DNER: variants seen among roughly 807,000 people sequenced by gnomAD.
DNER encodes delta and Notch-like epidermal growth factor-related receptor.
In DNER, 33 loss-of-function variants were observed where a neutral mutation model predicts 78.2. That is an observed-to-expected ratio of 0.42 (90% CI 0.32 to 0.56). The LOEUF is 0.56. DNER is among the 20% of genes least tolerant of loss of function. The pLI is 0.11. For missense variants in DNER, 918 were observed against 975.3 expected, an observed-to-expected ratio of 0.94 and a Z score of 0.78; for synonymous variants, 417 against 384.8, an observed-to-expected ratio of 1.08 and a Z score of -0.98.
chr2:229,448,255 G>T (rs1290433760), intron 7 of DNER, among the ~76,000 whole-genome samples: 1 of 151,764 alleles, frequency 6.6e-6, no homozygotes. Context: ...CTAAGTAAAA[G>T]AAGCTAGGCA....
intron 5 of DNER, among the ~76,000 whole-genome samples, chr2:229,530,921 G>A (rs1696289238): frequency 6.6e-6 from 1 of 152,184 alleles, no homozygotes; most frequent in Admixed American, 6.5e-5. Context: ...CAAGGAAAAA[G>A]CAATCTAAAG....
chr2:229,474,103 G>T (rs6711090), intron 7 of DNER, among the ~76,000 whole-genome samples: 18,886 of 152,016 alleles, frequency 0.12, 1,300 homozygotes, highest in South Asian at 0.2. Context: ...ACAGGGTTTT[G>T]CCATGTTGGT....
chr2:229,365,854 C>T (rs545962186), intron 12 of DNER, among the ~76,000 whole-genome samples: 1 of 152,350 alleles, frequency 6.6e-6, no homozygotes, highest in Admixed American at 6.5e-5. Flanking sequence ...TTCACTACAG[C>T]ACACTTACTT....
chr2:229,574,929 G>A (rs893593322), intron 4 of DNER, among the ~76,000 whole-genome samples: 10 of 152,190 alleles, frequency 6.6e-5, no homozygotes, highest in East Asian at 1.9e-4. Flanking sequence ...GCTTTTGACC[G>A]TAAGCTGGCA....
intron 1 of DNER, among the ~76,000 whole-genome samples, chr2:229,634,391 C>G (rs1390214985): frequency 2.6e-5 from 4 of 152,108 alleles, no homozygotes; most frequent in African/African-American, 9.7e-5. Context: ...TGTACTCTCG[C>G]CACACTACTG....
At chr2:229,450,407 C>A (rs993211119) in intron 7 of DNER, among the ~76,000 whole-genome samples, 2 of 152,122 alleles carry the variant, frequency 1.3e-5, no homozygotes, top group African/African-American at 4.8e-5. Context: ...AAATATAGTT[C>A]TCAGTGGAGG....
intron 5 of DNER, among the ~76,000 whole-genome samples, chr2:229,541,505 G>T (rs530368123): frequency 6.6e-6 from 1 of 152,082 alleles, no homozygotes; most frequent in East Asian, 1.9e-4. Context: ...AAGCCTGTGG[G>T]AGTTATTTAT....
chr2:229,475,652 C>T (rs1695019041), intron 7 of DNER, among the ~76,000 whole-genome samples: 1 of 152,116 alleles, frequency 6.6e-6, no homozygotes, highest in Non-Finnish European at 1.5e-5. Context: ...AATTGTAGTA[C>T]GAGTGCAAGC....
intron 7 of DNER, among the ~76,000 whole-genome samples, chr2:229,456,996 A>G (rs1216013431): frequency 1.3e-5 from 2 of 152,174 alleles, no homozygotes; most frequent in Non-Finnish European, 2.9e-5. Context: ...CTACAGAAGC[A>G]TAAGATAACA....
At chr2:229,580,061 G>C (rs1174785331) in intron 4 of DNER, 5 of 151,736 alleles carry the variant, frequency 3.3e-5, no homozygotes, top group Non-Finnish European at 7.4e-5. Context: ...ACTACCGTAG[G>C]AACCATTTTC....
intron 8 of DNER, among the ~76,000 whole-genome samples, chr2:229,428,224 G>T (rs1693926606): frequency 6.6e-6 from 1 of 152,072 alleles, no homozygotes; most frequent in African/African-American, 2.4e-5. Flanking sequence ...TGGAGAATGG[G>T]GATAAGACCT....
At chr2:229,666,701 T>C (rs1457611567) in intron 1 of DNER, among the ~76,000 whole-genome samples, 2 of 152,206 alleles carry the variant, frequency 1.3e-5, no homozygotes, top group African/African-American at 4.8e-5. Flanking sequence ...TGCTAACCCA[T>C]ATCATGATTT....
intron 4 of DNER, among the ~76,000 whole-genome samples, chr2:229,550,776 A>AAAATAAATAAAT (rs113610938): frequency 3.5e-4 from 54 of 152,182 alleles, no homozygotes; most frequent in African/African-American, 1.3e-3. Context: ...TCTGTCTCAA[A>AAAATAAATAAAT]AAATAAATAA....
At chr2:229,625,893 TTGTTTTTG>T (rs1698331469) in intron 1 of DNER, among the ~76,000 whole-genome samples, 1 of 3,274 alleles carries the variant, frequency 3.1e-4, no homozygotes, top group Non-Finnish European at 1.2e-3. Context: ...TTTGTTTTTG[TTGTTTTTG>T]TTGTTGTTGT....
At chr2:229,468,331 G>A (rs1002919591) in intron 7 of DNER, among the ~76,000 whole-genome samples, 1 of 152,178 alleles carries the variant, frequency 6.6e-6, no homozygotes, top group Non-Finnish European at 1.5e-5. Context: ...AGTTTGGGGG[G>A]TCATGCAGCC....
chr2:229,653,549 C>T (rs1026533498), intron 1 of DNER, among the ~76,000 whole-genome samples: 3 of 152,008 alleles, frequency 2.0e-5, no homozygotes, highest in African/African-American at 7.3e-5. Flanking sequence ...AACACATATG[C>T]ACCAAGCCTC....
chr2:229,541,924 ATTATATTTATATTTATATATACT>A (rs1476832469), intron 5 of DNER, among the ~76,000 whole-genome samples: 5 of 146,890 alleles, frequency 3.4e-5, no homozygotes, highest in Admixed American at 6.8e-5. Flanking sequence ...ATATTTATAA[ATTATATTTATATTTATATATACT>A]TTATATTTAT....
At chr2:229,406,539 T>G (rs1038348408) in intron 10 of DNER, among the ~76,000 whole-genome samples, 1 of 152,184 alleles carries the variant, frequency 6.6e-6, no homozygotes. Flanking sequence ...AGAGATAAAT[T>G]AATCAATAAC....
At chr2:229,647,184 A>G (rs1414340248) in intron 1 of DNER, among the ~76,000 whole-genome samples, 1 of 152,136 alleles carries the variant, frequency 6.6e-6, no homozygotes. Context: ...ATAAATACAT[A>G]CATACATACA....
Sources: gnomAD v4.1 joint callset for allele counts (sites outside exome capture counted in the v4.1 genomes callset) on GRCh38, gnomAD v4.1.1 for gene constraint, MANE v1.5 for transcripts, NCBI Gene and HGNC (gene_info 2026-07-23, HGNC 2026-07-21) for gene names.